Variants in SMIM7 observed in about 807,000 individuals in gnomAD.
SMIM7 encodes UPF0608 protein C19orf42.
SMIM7 carries 12 observed loss-of-function variants against 13.3 expected under a neutral mutation model. The ratio of observed to expected loss-of-function variants is 0.90; its 90% CI spans 0.58 to 1.46. The LOEUF (loss-of-function observed/expected upper bound fraction) is 1.46. Among genes scored for constraint, SMIM7 ranks in the 40% most tolerant of loss-of-function variants. The pLI, the probability that SMIM7 is intolerant of heterozygous loss-of-function variation, is 0.00. For missense variants in SMIM7, 114 were observed against 94.8 expected (o/e 1.20, Z -0.84); for synonymous variants, 36 against 35.8 (o/e 1.01, Z -0.02).
chr19:16,632,783 C>G (rs1183486079), intron 4 of SMIM7, among the ~76,000 whole-genome samples: 1 of 151,942 alleles, frequency 6.6e-6, no homozygotes, highest in Non-Finnish European at 1.5e-5. Context: ...CCACCCGCCT[C>G]AGCCTCCCAA....
downstream of SMIM7, among the ~76,000 whole-genome samples, chr19:16,644,351 A>AACACT (rs2086429572): frequency 1.3e-5 from 2 of 151,358 alleles, no homozygotes; most frequent in African/African-American, 4.9e-5. Context: ...CGAACTCCTG[A>AACACT]CCACAGGTGA....
intron 4 of SMIM7, among the ~76,000 whole-genome samples, chr19:16,639,626 C>T (rs966888006): frequency 1.3e-5 from 2 of 152,164 alleles, no homozygotes; most frequent in African/African-American, 4.8e-5. Context: ...GTGTCCCCAC[C>T]CAAATCTCAT....
At chr19:16,645,195 T>C (rs2086437251), downstream of SMIM7, 1 of 151,890 alleles carries the variant, frequency 6.6e-6, no homozygotes, top group African/African-American at 2.4e-5. Context: ...CACGCTGCTA[T>C]TATTAACAAT....
chr19:16,643,129 A>C (rs901472465), downstream of SMIM7, among the ~76,000 whole-genome samples: 1 of 152,048 alleles, frequency 6.6e-6, no homozygotes, highest in Non-Finnish European at 1.5e-5. Context: ...TAAAAAAAGA[A>C]AAAAAAAGTT....
At chr19:16,655,954 G>A (rs1319637368) in intron 3 of SMIM7, among the ~76,000 whole-genome samples, 3 of 152,210 alleles carry the variant, frequency 2.0e-5, no homozygotes, top group Non-Finnish European at 4.4e-5. Context: ...ATACAGGGCT[G>A]ATCCAGCACA....
chr19:16,653,736 A>G (rs1201424938), intron 4 of SMIM7: 1 of 381,022 alleles, frequency 2.6e-6, no homozygotes, highest in Non-Finnish European at 4.7e-6. Flanking sequence ...TCTACTAAAA[A>G]TACAAAAAAT....
chr19:16,638,797 G>C (rs1003032403), intron 4 of SMIM7: 2 of 152,096 alleles, frequency 1.3e-5, no homozygotes. Flanking sequence ...CCAGCATCAG[G>C]CATGTTATAG....
chr19:16,637,449 T>A (rs1183921006), intron 4 of SMIM7, among the ~76,000 whole-genome samples: 3 of 152,138 alleles, frequency 2.0e-5, no homozygotes, highest in Non-Finnish European at 4.4e-5. Flanking sequence ...TGAGGCTACA[T>A]TGAGCCATGA....
rs1488063881 is a variant in SMIM7 at position 16,659,460 on chromosome 19, G to A, written c.69-13C>T. Reference sequence around the variant, plus strand: ...GTCCTTCTTTTTCCTACAAAGAGGAGCAGACAGTGTCCACTTTCAATGGGA... The same window carrying A: ...GTCCTTCTTTTTCCTACAAAGAGGAACAGACAGTGTCCACTTTCAATGGGA... On this transcript the variant is annotated splice_polypyrimidine_tract_variant and intron_variant, in intron 2 of 4. Transcript: ENST00000487416. The A allele has an allele frequency of 1.2e-6, 2 of 1,611,398 alleles. No individual in the cohort carries two copies. The highest frequency in any genetic ancestry group is 2.7e-5 in the African/African-American group (2 of 74,844).
At chr19:16,659,138 C>T in intron 3 of SMIM7, 2 of 541,214 alleles carry the variant, frequency 3.7e-6, no homozygotes, top group South Asian at 2.0e-5. Context: ...CAAAATTTAG[C>T]CTGGCATGGT....
intron 4 of SMIM7, chr19:16,652,643 G>T: frequency 7.4e-7 from 1 of 1,357,896 alleles, no homozygotes; most frequent in South Asian, 1.7e-5. Flanking sequence ...CACGGTCCTT[G>T]TGATGAGGGT....
chr19:16,655,467 G>A, intron 3 of SMIM7: 1 of 451,962 alleles, frequency 2.2e-6, no homozygotes, highest in Non-Finnish European at 4.4e-6. Context: ...GATTACCTGA[G>A]GTCGGGAGTT....
chr19:16,659,486 CAT>C (rs1327016189), intron 2 of SMIM7, 39 bp from the exon 3 acceptor site: 14 of 1,597,382 alleles, frequency 8.8e-6, no homozygotes, highest in Non-Finnish European at 1.1e-5. Context: ...TTCAATGGGA[CAT>C]AGAGTCCTCA....
intron 4 of SMIM7, among the ~76,000 whole-genome samples, chr19:16,653,394 C>T (rs1435077028): frequency 1.3e-5 from 2 of 151,908 alleles, no homozygotes; most frequent in East Asian, 1.9e-4. Context: ...ACCAGCCTGA[C>T]CAACATGATG....
Sources: gnomAD v4.1 joint callset for allele counts (sites outside exome capture counted in the v4.1 genomes callset) on GRCh38, gnomAD v4.1.1 for gene constraint, MANE v1.5 for transcripts, NCBI Gene and HGNC (gene_info 2026-07-23, HGNC 2026-07-21) for gene names.